LRRC7: variants seen among roughly 807,000 people sequenced by gnomAD.
The protein encoded by LRRC7 is leucine-rich repeat-containing protein 7.
LRRC7 carries 23 observed loss-of-function variants against 175.7 expected under a neutral mutation model. That is an observed-to-expected ratio of 0.13 (90% CI 0.09 to 0.19). The LOEUF is 0.19. Among genes scored for constraint, LRRC7 ranks in the 10% least tolerant of loss-of-function variants. LRRC7 has a pLI of 1.00. For missense variants in LRRC7, 1,354 were observed against 1,904.7 expected (o/e 0.71, Z 5.38); for synonymous variants, 685 against 680.9 (o/e 1.01, Z -0.09).
chr1:70,114,323 A>G (rs1481143153), intron 26 of LRRC7, among the ~76,000 whole-genome samples: 1 of 152,184 alleles, frequency 6.6e-6, no homozygotes, highest in African/African-American at 2.4e-5. Context: ...TACATTGAAG[A>G]GTAAGATTTT....
rs545853951 is a variant in LRRC7, at chr1:70,024,427, G to C, written c.1794+1053G>C. ...TGGGGGTCTCCAACATCTTGCAGCT[G>C]CTATTTGCATTTACTGCACTTTATT... On this transcript the variant is annotated intron_variant, in intron 17 of 26. Transcript: ENST00000651989. 4.0e-5 allele frequency among the ~76,000 whole-genome samples: 6 copies of C among 151,890 alleles called. No individual in the cohort carries two copies. In the South Asian group the frequency reaches 1.2e-3, roughly 31 times the overall value.
chr1:69,828,310 G>A (rs769967051), intron 5 of LRRC7, among the ~76,000 whole-genome samples: 12 of 152,088 alleles, frequency 7.9e-5, no homozygotes, highest in South Asian at 4.1e-4. Context: ...TTTCTGAGTC[G>A]TATGGTATGT....
rs1328769682 is a variant in LRRC7, at chr1:70,039,712, G to C, written c.3888G>C (p.Lys1296Asn). Residue 1296 changes from lysine (K) to asparagine (N), a missense_variant, in exon 21 of 27, where the codon AAG becomes AAC. Lys to Asn is a moderately conservative substitution (Grantham distance 94). This residue lies in a region of LRRC7 where 1,032 missense variants were observed against 1,227.2 expected (regional missense o/e 0.84). Coordinates refer to ENST00000651989, the MANE Select transcript of LRRC7 (RefSeq NM_001370785.2). Reference protein sequence around the residue: ...SDLKTRPTPVKGEESCGKMPA... With the variant: ...SDLKTRPTPVNGEESCGKMPA... ...TAAAGACGAGGCCTACTCCTGTGAA[G>C]GGAGAGGAGAGCTGTGGTAAAATGC... is the stretch of plus-strand genomic sequence containing the variant. 1 of 1,613,978 alleles carries C rather than the reference G, an allele frequency of 6.2e-7. No homozygotes were observed. The highest frequency in any genetic ancestry group is 8.5e-7 in the Non-Finnish European group (1 of 1,179,990).
chr1:69,582,175 C>T (rs1051988083), intron 1 of LRRC7, among the ~76,000 whole-genome samples: 1 of 152,130 alleles, frequency 6.6e-6, no homozygotes, highest in African/African-American at 2.4e-5. Context: ...CTCATGGATA[C>T]ATAATCTAGG....
chr1:69,767,453 T>A lies in LRRC7; in HGVS notation c.303+7060T>A, dbSNP rs189967098. Among the ~76,000 whole-genome samples, 187 of 152,132 alleles carry A rather than the reference T, an allele frequency of 1.2e-3. 1 individual carries two copies. The highest frequency in any genetic ancestry group is 3.4e-4 in the Non-Finnish European group (23 of 67,990). The stretch of plus-strand genomic sequence containing the variant: ...CAGTATTTAGGGTTTTGTTTTTTAT[T>A]TTTATTTATTTATTTTTTAAAAGAC... On this transcript the variant is annotated intron_variant, in intron 3 of 26. Coordinates refer to ENST00000651989, the MANE Select transcript of LRRC7 (RefSeq NM_001370785.2).
intron 15 of LRRC7, 58 bp from the exon 16 acceptor site, chr1:70,020,947 A>G: frequency 6.7e-7 from 1 of 1,489,242 alleles, no homozygotes; most frequent in Non-Finnish European, 9.1e-7. Context: ...ACTATATTAA[A>G]TACTTTGTGT....
At chr1:69,574,068 C>G (rs1320181876) in intron 1 of LRRC7, among the ~76,000 whole-genome samples, 1 of 151,956 alleles carries the variant, frequency 6.6e-6, no homozygotes, top group African/African-American at 2.4e-5. Context: ...TAACAAATGG[C>G]TTAAGTTAAA....
At chr1:69,854,229 G>GT (rs1421871607) in intron 7 of LRRC7, among the ~76,000 whole-genome samples, 1 of 152,178 alleles carries the variant, frequency 6.6e-6, no homozygotes, top group African/African-American at 2.4e-5. Context: ...ACCAAGCACA[G>GT]TGGCTGGTCT....
At chr1:70,058,225 GT>G (rs1661300452) in intron 23 of LRRC7, among the ~76,000 whole-genome samples, 2 of 152,246 alleles carry the variant, frequency 1.3e-5, no homozygotes, top group South Asian at 4.1e-4. Flanking sequence ...GGCCAGCCTA[GT>G]CTGAAACTCC....
chr1:70,062,366 AATCTT>A (rs1387903196), intron 23 of LRRC7, among the ~76,000 whole-genome samples: 1 of 152,148 alleles, frequency 6.6e-6, no homozygotes, highest in African/African-American at 2.4e-5. Flanking sequence ...CTTTGCCAGT[AATCTT>A]ATTCAGGTGA....
intron 26 of LRRC7, 133 bp downstream of exon 26, chr1:70,107,959 T>C (rs1665257550): frequency 3.7e-6 from 3 of 804,504 alleles, no homozygotes; most frequent in Admixed American, 4.7e-5. Context: ...CTTTATTATT[T>C]TGGGGCTGAA....
At chr1:69,859,858 A>T (rs1684171919) in intron 7 of LRRC7, among the ~76,000 whole-genome samples, 1 of 151,958 alleles carries the variant, frequency 6.6e-6, no homozygotes, top group Non-Finnish European at 1.5e-5. Flanking sequence ...ACTCAAATTA[A>T]TTAATTTAGG....
intron 3 of LRRC7, among the ~76,000 whole-genome samples, chr1:69,767,725 G>C (rs1400289614): frequency 1.3e-5 from 2 of 152,146 alleles, no homozygotes; most frequent in African/African-American, 2.4e-5. Flanking sequence ...GCCTCCCAAA[G>C]TGCTGGATTT....
intron 2 of LRRC7, among the ~76,000 whole-genome samples, chr1:69,684,874 G>A (rs761916740): frequency 2.6e-5 from 4 of 152,304 alleles, no homozygotes; most frequent in Non-Finnish European, 5.9e-5. Flanking sequence ...CAATTCACCT[G>A]CAGAAACAGA....
At chr1:69,693,207 G>A (rs747970521) in intron 2 of LRRC7, among the ~76,000 whole-genome samples, 2 of 152,016 alleles carry the variant, frequency 1.3e-5, no homozygotes, top group Admixed American at 1.3e-4. Flanking sequence ...TATATAAATT[G>A]ATAGATTAGA....
At chr1:69,695,697 C>T (rs773412820) in intron 2 of LRRC7, among the ~76,000 whole-genome samples, 4 of 152,190 alleles carry the variant, frequency 2.6e-5, no homozygotes, top group Non-Finnish European at 4.4e-5. Flanking sequence ...TGCCCTGTGC[C>T]ACCTCAAGGA....
intron 7 of LRRC7, among the ~76,000 whole-genome samples, chr1:69,887,862 T>C (rs1645693551): frequency 6.8e-6 from 1 of 147,210 alleles, no homozygotes; most frequent in Non-Finnish European, 1.5e-5. Flanking sequence ...TGCAGGTCTG[T>C]TGGAATACCC....
At chr1:69,731,174 C>A (rs1474129173) in intron 2 of LRRC7, among the ~76,000 whole-genome samples, 1 of 151,876 alleles carries the variant, frequency 6.6e-6, no homozygotes, top group Non-Finnish European at 1.5e-5. Flanking sequence ...TGGTGGCGGG[C>A]GTCTGTAGTC....
At chr1:69,974,952 A>T (rs2101876191) in intron 8 of LRRC7, among the ~76,000 whole-genome samples, 1 of 152,266 alleles carries the variant, frequency 6.6e-6, no homozygotes, top group South Asian at 2.1e-4. Flanking sequence ...AGTTATGTAA[A>T]CTTCATCAAA....
Sources: allele counts gnomAD v4.1 joint callset (sites outside exome capture counted in the v4.1 genomes callset), GRCh38; gene constraint gnomAD v4.1.1; regional missense constraint gnomAD v4.1.1; transcripts MANE v1.5; gene names NCBI Gene and HGNC (gene_info 2026-07-23, HGNC 2026-07-21).